FMN1: variants seen among roughly 807,000 people sequenced by gnomAD.
FMN1 encodes formin 1, also known as formin-1.
FMN1 carries 110 observed loss-of-function variants against 132.4 expected under a neutral mutation model. The observed-to-expected ratio is 0.83, with a 90% CI of 0.71 to 0.97. FMN1 has a LOEUF of 0.97. Ranked by LOEUF, FMN1 falls within the 50% of genes least tolerant of loss-of-function variation. The probability of loss-of-function intolerance (pLI) is 0.00; values close to 1 mark genes in which losing one functional copy is unlikely to be tolerated. For synonymous variants in FMN1, 722 were observed against 651.7 expected (o/e 1.11, Z -1.64); for missense variants, 1,792 against 1,705.3 (o/e 1.05, Z -0.90).
intron 16 of FMN1, among the ~76,000 whole-genome samples, chr15:32,867,708 G>A (rs2059425098): frequency 6.6e-6 from 1 of 152,126 alleles, no homozygotes; most frequent in Non-Finnish European, 1.5e-5. Flanking sequence ...AGCCGGGATG[G>A]TCTCAATCTC....
intron 17 of FMN1, among the ~76,000 whole-genome samples, chr15:32,847,829 T>G (rs896678464): frequency 6.6e-6 from 1 of 152,122 alleles, no homozygotes; most frequent in African/African-American, 2.4e-5. Flanking sequence ...CACTCCAGCC[T>G]GGGTGACAAA....
chr15:32,927,583 T>C (rs1156852001), intron 9 of FMN1, among the ~76,000 whole-genome samples: 1 of 152,218 alleles, frequency 6.6e-6, no homozygotes, highest in Non-Finnish European at 1.5e-5. Flanking sequence ...TATAATACTA[T>C]GTATTTTTAC....
intron 10 of FMN1, 102 bp from the exon 11 acceptor site, chr15:32,910,637 C>T (rs917479225): frequency 1.9e-5 from 16 of 860,514 alleles, no homozygotes; most frequent in African/African-American, 1.9e-4. Context: ...CAGAGTATTG[C>T]GTTTTCTTAC....
chr15:32,774,953 C>T (rs1464024013), intron 20 of FMN1, among the ~76,000 whole-genome samples: 2 of 152,088 alleles, frequency 1.3e-5, no homozygotes, highest in East Asian at 3.9e-4. Flanking sequence ...CGTAAGAATA[C>T]ACAGGAGCAC....
intron 3 of FMN1, among the ~76,000 whole-genome samples, chr15:33,162,934 T>C (rs764539341): frequency 2.0e-4 from 31 of 152,126 alleles, no homozygotes; most frequent in Admixed American, 1.2e-3. Context: ...CTGGTCAACA[T>C]AGTGAAACCC....
chr15:32,804,794 AATG>A (rs2057618522), intron 17 of FMN1, among the ~76,000 whole-genome samples: 1 of 151,912 alleles, frequency 6.6e-6, no homozygotes, highest in African/African-American at 2.4e-5. Flanking sequence ...GTTTGCTGAG[AATG>A]ATAGTTTCTG....
At chr15:33,069,479 T>G (rs766612565) in intron 5 of FMN1, among the ~76,000 whole-genome samples, 1 of 152,162 alleles carries the variant, frequency 6.6e-6, no homozygotes, top group Non-Finnish European at 1.5e-5. Flanking sequence ...ACACAAACAG[T>G]AATTCCTTCT....
chr15:33,138,387 G>T (rs1963863406), intron 4 of FMN1, among the ~76,000 whole-genome samples: 1 of 151,908 alleles, frequency 6.6e-6, no homozygotes, highest in African/African-American at 2.4e-5. Flanking sequence ...CTTCCCTTTT[G>T]CTAATGCAAT....
chr15:32,776,789 CA>C (rs770327515), intron 20 of FMN1, 45 bp downstream of exon 20: 2 of 1,243,438 alleles, frequency 1.6e-6, no homozygotes, highest in Admixed American at 2.0e-5. Flanking sequence ...GGGCGCACCT[CA>C]ATTTTCATGA....
At chr15:32,879,306 G>T (rs538802041) in intron 16 of FMN1, among the ~76,000 whole-genome samples, 1 of 152,274 alleles carries the variant, frequency 6.6e-6, no homozygotes, top group South Asian at 2.1e-4. Context: ...ACATGGTCAG[G>T]ACTCTGGCTA....
rs1431452449 is a variant in FMN1, at chr15:33,154,910, TC to T, written c.4del (p.Glu2LysfsTer37). 3.9e-6 allele frequency: 6 copies of T among 1,529,402 alleles called. No homozygotes were observed. The highest frequency in any genetic ancestry group is 4.4e-6 in the Non-Finnish European group (5 of 1,143,716). 94.7% of individuals were successfully genotyped at this position (1,529,402 alleles called of 1,614,324 possible). M[E>X]GTHCTLQLHK... Reference sequence around the variant, plus strand: ...CAATTGGAGGGTACAATGAGTGCCTTCCATTATGCCTACCTAATTATTCATG... The same window carrying T: ...CAATTGGAGGGTACAATGAGTGCCTTCATTATGCCTACCTAATTATTCATG... On this transcript the variant is annotated frameshift_variant, in exon 4 of 21. Coordinates refer to ENST00000616417, the MANE Select transcript of FMN1 (RefSeq NM_001277313.2). LOFTEE classifies it high-confidence loss of function.
At chr15:33,125,626 G>A (rs1962984025) in intron 4 of FMN1, among the ~76,000 whole-genome samples, 1 of 151,900 alleles carries the variant, frequency 6.6e-6, no homozygotes, top group African/African-American at 2.4e-5. Flanking sequence ...GATCACTTGA[G>A]GTCAGGAATT....
At chr15:32,984,075 T>C (rs568489799) in intron 7 of FMN1, among the ~76,000 whole-genome samples, 8 of 152,218 alleles carry the variant, frequency 5.3e-5, no homozygotes, top group African/African-American at 1.7e-4. Context: ...ATTATACTTA[T>C]GATGAGTGTG....
Position 32,910,461 on chromosome 15 carries a change from C to T in FMN1, c.3288+13G>A. On this transcript the variant is annotated intron_variant, in intron 11 of 20. Transcript: ENST00000616417. ...ATATGGAAATACTAGCTCTGTAAGT[C>T]TTTGACACTCACGTTTTCATATAAG... is the stretch of plus-strand genomic sequence containing the variant. 1.3e-6 allele frequency: 2 copies of T among 1,562,458 alleles called. No individual in the cohort carries two copies. The highest frequency in any genetic ancestry group is 8.7e-7 in the Non-Finnish European group (1 of 1,150,140).
At chr15:33,031,190 T>A (rs2035921341) in intron 6 of FMN1, among the ~76,000 whole-genome samples, 1 of 152,166 alleles carries the variant, frequency 6.6e-6, no homozygotes, top group Non-Finnish European at 1.5e-5. Flanking sequence ...CCAGGAAGCC[T>A]AACTCCAGAA....
At position 32,771,915 on chromosome 15, in the gene FMN1, T is replaced by C. The variant is rs3743108; in HGVS notation, c.*2395A>G. ...CTGTGTCAGCAACGTGGTACATTGG[T>C]GGACTTGGGAGGGGGCATCCCAGAT... On this transcript the variant is annotated 3_prime_UTR_variant, in exon 21 of 21. Transcript: ENST00000616417. The C allele has an allele frequency of 0.1, 15,793 of 152,218 alleles. 889 individuals carry two copies. The highest frequency in any genetic ancestry group is 0.15 in the Middle Eastern group (44 of 294). The allele number at this position is 152,218 out of a possible 1,614,324, so 9.4% of individuals were successfully genotyped here.
At chr15:33,119,599 GA>G (rs1962360546) in intron 4 of FMN1, among the ~76,000 whole-genome samples, 1 of 152,158 alleles carries the variant, frequency 6.6e-6, no homozygotes, top group South Asian at 2.1e-4. Context: ...TATTCTTGAA[GA>G]GCTTGCTTTT....
chr15:32,998,777 T>C (rs765920207), intron 7 of FMN1, among the ~76,000 whole-genome samples: 32 of 152,204 alleles, frequency 2.1e-4, no homozygotes, highest in African/African-American at 7.0e-4. Flanking sequence ...GCAGAAATGA[T>C]TGAAGGCTGA....
rs2010817 is a variant in FMN1, at chr15:32,901,015, G to C, written c.3508-890C>G. Among the ~76,000 whole-genome samples the C allele has an allele frequency of 6.5e-3, 986 of 152,136 alleles. 48 individuals carry two copies. The highest frequency in any genetic ancestry group is 0.058 in the Admixed American group (889 of 15,288). On this transcript the variant is annotated intron_variant, in intron 13 of 20. Transcript: ENST00000616417. ...CTAAAAATACAAAAACTAGCTGGGC[G>C]TGATGGCAGGCACCTGTAATCCCAG...
Sources: allele counts gnomAD v4.1 joint callset (sites outside exome capture counted in the v4.1 genomes callset), GRCh38; gene constraint gnomAD v4.1.1; transcripts MANE v1.5; gene names NCBI Gene and HGNC (gene_info 2026-07-23, HGNC 2026-07-21).